The following MCTP1 variants were observed in gnomAD, a reference collection of about 807,000 sequenced individuals.
MCTP1 encodes the protein multiple C2 and transmembrane domain containing 1, also known as multiple C2 and transmembrane domain-containing protein 1.
MCTP1 carries 69 observed loss-of-function variants against 120.6 expected under a neutral mutation model. That is an observed-to-expected ratio of 0.57 (90% CI 0.47 to 0.70). The LOEUF (loss-of-function observed/expected upper bound fraction) is 0.70. MCTP1 is among the 30% of genes least tolerant of loss of function. MCTP1 has a pLI of 0.00. For synonymous variants in MCTP1, 529 were observed against 493.1 expected (o/e 1.07, Z -0.96); for missense variants, 1,203 against 1,248.8 (o/e 0.96, Z 0.55).
At chr5:95,251,778 A>G (rs1209252127) in intron 1 of MCTP1, among the ~76,000 whole-genome samples, 2 of 152,156 alleles carry the variant, frequency 1.3e-5, no homozygotes, top group Non-Finnish European at 2.9e-5. Flanking sequence ...TTAGTCATCC[A>G]ATCCTCACAA....
chr5:94,977,958 T>G (rs1371522234), intron 2 of MCTP1, among the ~76,000 whole-genome samples: 1 of 152,042 alleles, frequency 6.6e-6, no homozygotes, highest in Non-Finnish European at 1.5e-5. Context: ...AGAGGAAATA[T>G]CTGCAAATCA....
chr5:94,828,507 A>G (rs1787756003), intron 17 of MCTP1, among the ~76,000 whole-genome samples: 1 of 152,212 alleles, frequency 6.6e-6, no homozygotes, highest in Non-Finnish European at 1.5e-5. Flanking sequence ...TCATCTCTTC[A>G]GAGCTGGCAG....
At chr5:94,762,019 T>A (rs999419754) in intron 19 of MCTP1, among the ~76,000 whole-genome samples, 2 of 152,178 alleles carry the variant, frequency 1.3e-5, no homozygotes, top group Non-Finnish European at 2.9e-5. Flanking sequence ...ATGGCTGCAG[T>A]CCCAGGCATC....
Position 94,705,886 on chromosome 5 carries a change from C to T in MCTP1, c.*1610G>A, listed in dbSNP as rs1197867835. ...GAAGCATGTCATTTTAAACATGATACATTAAATAAAGCATGTTGAGGTCAA... is the reference window on the plus strand; with the variant it reads ...GAAGCATGTCATTTTAAACATGATATATTAAATAAAGCATGTTGAGGTCAA... On this transcript the variant is annotated 3_prime_UTR_variant, in exon 23 of 23. Coordinates refer to ENST00000515393, the MANE Select transcript of MCTP1 (RefSeq NM_024717.7). The T allele has an allele frequency of 2.6e-5, 4 of 151,654 alleles. No individual in the cohort carries two copies. In the East Asian group the frequency reaches 5.8e-4, roughly 22 times the overall value. 9.4% of individuals were successfully genotyped at this position (151,654 alleles called of 1,614,324 possible).
At chr5:95,037,445 T>C (rs898409250) in intron 1 of MCTP1, among the ~76,000 whole-genome samples, 9 of 152,196 alleles carry the variant, frequency 5.9e-5, no homozygotes, top group South Asian at 4.1e-4. Flanking sequence ...TAACAACATG[T>C]TAACGTGAGC....
In MCTP1 at chr5:95,174,881, C is replaced by A. The variant is rs371733748; in HGVS notation, c.720+108975G>T. Among the ~76,000 whole-genome samples, 10 of 152,256 alleles carry A rather than the reference C, an allele frequency of 6.6e-5. No individual in the cohort carries two copies. The South Asian group carries it at 1.7e-3, about 25-fold the overall frequency. On this transcript the variant is annotated intron_variant, in intron 1 of 22. Coordinates refer to ENST00000515393, the MANE Select transcript of MCTP1 (RefSeq NM_024717.7). ...TACATCTTATTTGGTTACTAGAAAG[C>A]CATTTGTATTTTTCTTCTTACATAA...
At chr5:94,796,279 T>C (rs1341242766) in intron 18 of MCTP1, among the ~76,000 whole-genome samples, 3 of 152,122 alleles carry the variant, frequency 2.0e-5, no homozygotes, top group Non-Finnish European at 4.4e-5. Context: ...TGTTTTGTTT[T>C]GGTTTGATTT....
chr5:95,190,313 T>C (rs1749684989), intron 1 of MCTP1, among the ~76,000 whole-genome samples: 1 of 152,084 alleles, frequency 6.6e-6, no homozygotes, highest in African/African-American at 2.4e-5. Flanking sequence ...ATTTTAATTT[T>C]GAAATAAAAG....
intron 1 of MCTP1, among the ~76,000 whole-genome samples, chr5:95,266,298 G>A (rs1408227834): frequency 6.6e-6 from 1 of 152,204 alleles, no homozygotes; most frequent in Non-Finnish European, 1.5e-5. Flanking sequence ...TTGTTACTGA[G>A]TCTTCCTTTT....
chr5:94,779,857 G>A (rs891641191), intron 18 of MCTP1, among the ~76,000 whole-genome samples: 1 of 152,150 alleles, frequency 6.6e-6, no homozygotes, highest in African/African-American at 2.4e-5. Context: ...ATGCATGTAT[G>A]TATTTTTTAA....
At chr5:94,906,791 A>C (rs1807038046) in intron 10 of MCTP1, among the ~76,000 whole-genome samples, 1 of 152,216 alleles carries the variant, frequency 6.6e-6, no homozygotes, top group Non-Finnish European at 1.5e-5. Flanking sequence ...AGTACCCTTA[A>C]AAAATGTTAC....
intron 19 of MCTP1, among the ~76,000 whole-genome samples, chr5:94,719,440 G>A (rs570894982): frequency 6.6e-6 from 1 of 152,170 alleles, no homozygotes; most frequent in Non-Finnish European, 1.5e-5. Flanking sequence ...TGATAGACTG[G>A]ATGAAGAAAA....
At chr5:94,977,504 G>A (rs374741398) in intron 2 of MCTP1, among the ~76,000 whole-genome samples, 46 of 151,690 alleles carry the variant, frequency 3.0e-4, no homozygotes, top group East Asian at 2.1e-3. Context: ...AGATGACCCC[G>A]AATAGTCAAA....
intron 1 of MCTP1, among the ~76,000 whole-genome samples, chr5:95,063,340 T>C (rs1433148040): frequency 2.6e-5 from 4 of 152,188 alleles, no homozygotes; most frequent in East Asian, 3.9e-4. Context: ...TTCCCCTTCA[T>C]TGTACTATGT....
chr5:94,921,834 A>G (rs1467694676), intron 7 of MCTP1, among the ~76,000 whole-genome samples: 1 of 152,258 alleles, frequency 6.6e-6, no homozygotes, highest in East Asian at 1.9e-4. Context: ...ATAATGCAAG[A>G]AGAATTTGAA....
chr5:95,117,390 C>CAAAAA (rs34952779), intron 1 of MCTP1, among the ~76,000 whole-genome samples: 14 of 66,122 alleles, frequency 2.1e-4, no homozygotes, highest in Admixed American at 4.4e-4. Flanking sequence ...GACTCCGTCT[C>CAAAAA]AAAAAAAAAA....
At chr5:95,028,133 A>G (rs964248) in intron 1 of MCTP1, among the ~76,000 whole-genome samples, 141,571 of 152,220 alleles carry the variant, frequency 0.93, 66,677 homozygotes, top group East Asian at 1. Flanking sequence ...TTGGGAGAAA[A>G]TCTATGGTTA....
intron 1 of MCTP1, among the ~76,000 whole-genome samples, chr5:95,161,420 G>C (rs1203965335): frequency 6.6e-6 from 1 of 152,104 alleles, no homozygotes; most frequent in Non-Finnish European, 1.5e-5. Flanking sequence ...GAATAGAATG[G>C]TAGTTACCAG....
intron 2 of MCTP1, among the ~76,000 whole-genome samples, chr5:95,001,364 C>T (rs1833656324): frequency 6.6e-6 from 1 of 152,092 alleles, no homozygotes; most frequent in Non-Finnish European, 1.5e-5. Context: ...GAGGCTGGAA[C>T]AGTTTGGAGG....
Sources: gnomAD v4.1 joint callset for allele counts (sites outside exome capture counted in the v4.1 genomes callset) on GRCh38, gnomAD v4.1.1 for gene constraint, MANE v1.5 for transcripts, NCBI Gene and HGNC (gene_info 2026-07-23, HGNC 2026-07-21) for gene names.